The following EFR3A variants were observed in gnomAD, a reference collection of about 807,000 sequenced individuals.
The protein encoded by EFR3A is EFR3 homolog A, also known as protein EFR3 homolog A.
Under a neutral mutation model 104.4 loss-of-function variants are expected in EFR3A, and 76 were observed. The ratio of observed to expected loss-of-function variants is 0.73; its 90% confidence interval spans 0.60 to 0.88. EFR3A has a LOEUF of 0.88. Ranked by LOEUF, EFR3A falls within the 40% of genes least tolerant of loss-of-function variation. The pLI is 0.00. For missense variants in EFR3A, 985 were observed against 1,012.5 expected (o/e 0.97, Z 0.37); for synonymous variants, 330 against 330.0 (o/e 1.00, Z 0.00).
intron 1 of EFR3A, among the ~76,000 whole-genome samples, chr8:131,936,336 G>A (rs1177361046): frequency 1.3e-5 from 2 of 152,128 alleles, no homozygotes; most frequent in East Asian, 1.9e-4. Flanking sequence ...GTGAACAAAT[G>A]TGTGGGAGAT....
chr8:131,958,935 C>T (rs1819166009), intron 7 of EFR3A, among the ~76,000 whole-genome samples: 2 of 152,118 alleles, frequency 1.3e-5, no homozygotes, highest in East Asian at 3.8e-4. Context: ...TCCCCATTTT[C>T]CAGGTCAGAG....
intron 1 of EFR3A, among the ~76,000 whole-genome samples, chr8:131,913,695 C>T (rs1213370459): frequency 6.6e-6 from 1 of 152,036 alleles, no homozygotes; most frequent in Non-Finnish European, 1.5e-5. Context: ...TCTTCACATC[C>T]CTGTTGTTTA....
At chr8:131,906,588 G>T (rs1383369055) in intron 1 of EFR3A, among the ~76,000 whole-genome samples, 1 of 152,160 alleles carries the variant, frequency 6.6e-6, no homozygotes, top group Non-Finnish European at 1.5e-5. Context: ...CTAGAATCCA[G>T]TGAAGCATGC....
chr8:131,997,078 G>A (rs190853761), intron 19 of EFR3A, among the ~76,000 whole-genome samples: 2 of 151,966 alleles, frequency 1.3e-5, no homozygotes, highest in Admixed American at 1.3e-4. Context: ...CTCTCCTCCC[G>A]TTTCAAAAAA....
rs1196393508 is a variant in EFR3A at position 131,904,289 on chromosome 8, G to A, written c.-24G>A. 1 of 1,269,382 alleles carries A rather than the reference G, an allele frequency of 7.9e-7. No homozygotes were observed. Among genetic ancestry groups the A allele is most frequent in the Non-Finnish European group, 9.9e-7 (1 of 1,006,660 alleles). 78.6% of individuals were successfully genotyped at this position (1,269,382 alleles called of 1,614,324 possible). A position where few individuals can be genotyped will look rare whatever the true frequency, so the allele number is the denominator to read the frequency against. ...CGCGGCCCCGCTGAGCCTCGGTGCG[G>A]CGGCGAGCGCGGTCGAGATCGCCAT... is the stretch of plus-strand genomic sequence containing the variant. On this transcript the variant is annotated 5_prime_UTR_variant, in exon 1 of 23. Coordinates refer to ENST00000254624, the MANE Select transcript of EFR3A (RefSeq NM_015137.6).
chr8:131,938,810 A>G (rs1818027948), intron 1 of EFR3A, among the ~76,000 whole-genome samples: 1 of 152,074 alleles, frequency 6.6e-6, no homozygotes, highest in Non-Finnish European at 1.5e-5. Context: ...TTACTGGACA[A>G]AATTGGCCTC....
chr8:131,928,623 C>A (rs1205727738), intron 1 of EFR3A, among the ~76,000 whole-genome samples: 3 of 151,926 alleles, frequency 2.0e-5, no homozygotes, highest in African/African-American at 7.3e-5. Context: ...CAGATGTGGT[C>A]TATAGAACAA....
intron 22 of EFR3A, among the ~76,000 whole-genome samples, chr8:132,010,439 T>TATATATATATATATATAGG (rs1563716523): frequency 7.9e-6 from 1 of 126,722 alleles, no homozygotes; most frequent in African/African-American, 3.0e-5. Flanking sequence ...TATATATATA[T>TATATATATATATATATAGG]ATATATATAT....
intron 22 of EFR3A, among the ~76,000 whole-genome samples, chr8:132,004,754 AT>A (rs1023893684): frequency 6.6e-6 from 1 of 152,218 alleles, no homozygotes; most frequent in East Asian, 1.9e-4. Context: ...GGTAGACACT[AT>A]TTTTTTGATT....
chr8:131,974,407 TGTG>T (rs1820220590), intron 10 of EFR3A, among the ~76,000 whole-genome samples: 1 of 152,200 alleles, frequency 6.6e-6, no homozygotes, highest in African/African-American at 2.4e-5. Context: ...TTTATGTCCT[TGTG>T]GTAATAACTA....
chr8:131,943,054 A>ATC (rs1286112952), intron 2 of EFR3A, among the ~76,000 whole-genome samples: 2 of 152,068 alleles, frequency 1.3e-5, no homozygotes, highest in Non-Finnish European at 2.9e-5. Flanking sequence ...AAAACCTGAA[A>ATC]TCTGAAATGC....
At chr8:131,922,388 T>C (rs1042918188) in intron 1 of EFR3A, among the ~76,000 whole-genome samples, 2 of 152,106 alleles carry the variant, frequency 1.3e-5, no homozygotes, top group Non-Finnish European at 2.9e-5. Flanking sequence ...AAAGAAATGC[T>C]CTTTGGAGCA....
intron 19 of EFR3A, among the ~76,000 whole-genome samples, chr8:131,998,685 T>C (rs2130796408): frequency 6.6e-6 from 1 of 152,182 alleles, no homozygotes; most frequent in South Asian, 2.1e-4. Flanking sequence ...AAAAATGTGC[T>C]GATGCCATAA....
Position 131,955,656 on chromosome 8 carries a change from G to A in EFR3A, c.639-112G>A, listed in dbSNP as rs1490182306. ...TTAGAATTAAGCTATATATTTTCTG[G>A]AGTATAAAAAGAAAATGCCATTTTA... On this transcript the variant is annotated intron_variant, in intron 6 of 22. Coordinates refer to ENST00000254624, the MANE Select transcript of EFR3A (RefSeq NM_015137.6). The A allele has an allele frequency of 1.1e-5, 12 of 1,090,424 alleles. No individual in the cohort carries two copies. In the Admixed American group the frequency reaches 2.4e-4, roughly 22 times the overall value. 67.5% of individuals were successfully genotyped at this position (1,090,424 alleles called of 1,614,324 possible).
intron 22 of EFR3A, among the ~76,000 whole-genome samples, chr8:132,009,113 A>G (rs988052518): frequency 2.0e-5 from 3 of 152,016 alleles, no homozygotes; most frequent in Admixed American, 1.3e-4. Context: ...TAACTTAACA[A>G]TTGAGGACAG....
At chr8:131,994,378 C>G (rs980205517) in intron 18 of EFR3A, among the ~76,000 whole-genome samples, 2 of 152,120 alleles carry the variant, frequency 1.3e-5, no homozygotes, top group Non-Finnish European at 2.9e-5. Flanking sequence ...GGGTACTGTT[C>G]TCCTTAGCTC....
chr8:131,999,511 T>A (rs1012755215), intron 19 of EFR3A, among the ~76,000 whole-genome samples: 6 of 152,234 alleles, frequency 3.9e-5, no homozygotes, highest in African/African-American at 1.4e-4. Flanking sequence ...ATAAAGGGAA[T>A]GTTGAAATTC....
At chr8:131,951,328 A>C (rs1408139836) in intron 5 of EFR3A, among the ~76,000 whole-genome samples, 8 of 152,078 alleles carry the variant, frequency 5.3e-5, no homozygotes, top group African/African-American at 1.9e-4. Context: ...TTTATTATGA[A>C]GTGTAAAGCC....
Position 132,012,813 on chromosome 8 carries a change from T to C in EFR3A, c.*1918T>C, listed in dbSNP as rs1822415059. On this transcript the variant is annotated 3_prime_UTR_variant, in exon 23 of 23. Coordinates refer to ENST00000254624, the MANE Select transcript of EFR3A (RefSeq NM_015137.6). ...TTGCACTTACGTGAAACACAAACTT[T>C]GCTCTACAAAATTTCGTGTTTCTTA... 1 of 152,338 alleles carries C rather than the reference T, an allele frequency of 6.6e-6. No individual in the cohort carries two copies. The highest frequency in any genetic ancestry group is 2.1e-4 in the South Asian group (1 of 4,834). 9.4% of individuals were successfully genotyped at this position (152,338 alleles called of 1,614,324 possible). A position where few individuals can be genotyped will look rare whatever the true frequency, so the allele number is the denominator to read the frequency against.
Sources: allele counts gnomAD v4.1 joint callset (sites outside exome capture counted in the v4.1 genomes callset), GRCh38; gene constraint gnomAD v4.1.1; transcripts MANE v1.5; gene names NCBI Gene and HGNC (gene_info 2026-07-23, HGNC 2026-07-21).